The following PRRG3 variants were observed in gnomAD, a reference collection of about 807,000 sequenced individuals.
The protein encoded by PRRG3 is transmembrane gamma-carboxyglutamic acid protein 3.
PRRG3 carries 21 observed loss-of-function variants against 15.8 expected under a neutral mutation model. The observed-to-expected ratio is 1.33, with a 90% confidence interval of 0.94 to 1.92. PRRG3 has a LOEUF of 1.92. Among genes scored for constraint, PRRG3 ranks in the 40% most tolerant of loss-of-function variants. The pLI, the probability that PRRG3 is intolerant of heterozygous loss-of-function variation, is 0.00. For synonymous variants in PRRG3, 125 were observed against 84.1 expected (o/e 1.49, Z -2.66); for missense variants, 251 against 200.2 (o/e 1.25, Z -1.53).
At chrX:151,695,215 T>G (rs902006723), upstream of PRRG3, 1 of 109,837 alleles carries the variant, frequency 9.1e-6, no homozygotes, top group African/African-American at 3.3e-5. Flanking sequence ...CGGCGGGGTG[T>G]GGGGGGCGGG....
chrX:151,701,596 C>T lies in PRRG3; in HGVS notation c.*563C>T, dbSNP rs1343597920. The T allele has an allele frequency of 8.9e-6, 1 of 112,625 alleles. No individual in the cohort carries two copies. The highest frequency in any genetic ancestry group is 1.9e-5 in the Non-Finnish European group (1 of 53,293). 9.3% of individuals were successfully genotyped at this position (112,625 alleles called of 1,213,427 possible). On this transcript the variant is annotated 3_prime_UTR_variant, in exon 4 of 4. Coordinates refer to ENST00000674457, the MANE Select transcript of PRRG3 (RefSeq NM_001372163.1). ...AAATAATTAACACAATAGAACAAAACTCTAGCACCCGGGCCGTTCATAGGA... is the reference window on the plus strand; with the variant it reads ...AAATAATTAACACAATAGAACAAAATTCTAGCACCCGGGCCGTTCATAGGA...
At chrX:151,699,906 T>G in intron 2 of PRRG3, 90 bp from the exon 3 acceptor site, 1 of 957,420 alleles carries the variant, frequency 1.0e-6, no homozygotes, top group Non-Finnish European at 1.4e-6. Flanking sequence ...TTTCCCTGCA[T>G]AATTATGCTT....
chrX:151,697,421 C>T (rs991879343), intron 1 of PRRG3, among the ~76,000 whole-genome samples: 1 of 111,093 alleles, frequency 9.0e-6, no homozygotes, highest in Non-Finnish European at 1.9e-5. Flanking sequence ...GCCTCAGCCT[C>T]CCAAAGTGTT....
intron 3 of PRRG3, 23 bp downstream of exon 3, chrX:151,700,179 T>G (rs749575193): frequency 1.7e-6 from 2 of 1,209,969 alleles, no homozygotes; most frequent in Non-Finnish European, 2.2e-6. Context: ...CTGGGGCTGG[T>G]TCTGGGAGTA....
chrX:151,697,157 T>C (rs1388204960), intron 1 of PRRG3, among the ~76,000 whole-genome samples: 2 of 92,022 alleles, frequency 2.2e-5, no homozygotes, highest in Admixed American at 1.3e-4. Context: ...CCTCTCTCCC[T>C]CTCTTTCTCT....
chrX:151,700,489 C>T lies in PRRG3; in HGVS notation c.169-17C>T, dbSNP rs2014849675. The T allele has an allele frequency of 8.5e-7, 1 of 1,170,234 alleles. No homozygotes were observed. Among genetic ancestry groups the T allele is most frequent in the African/African-American group, 1.8e-5 (1 of 56,601 alleles). On this transcript the variant is annotated splice_polypyrimidine_tract_variant and intron_variant, in intron 3 of 3. Transcript: ENST00000674457. Reference sequence around the variant, plus strand: ...TGGAGCTTGAGCTTCTCTTAAGTACCACTTTTTCTTTTGCAGATGGAGTTC... The same window carrying T: ...TGGAGCTTGAGCTTCTCTTAAGTACTACTTTTTCTTTTGCAGATGGAGTTC...
rs12394468 is a variant in PRRG3 at position 151,700,846 on chromosome X, G to C, written c.509G>C (p.Arg170Pro). ...AGTCGGGGGGGCAGGACCACAGTCC[G>C]GCTAGAGAGCACCCTCTACCTCCCT... ...GPSRGGRTTVRLESTLYLPEL... is the reference protein window; with the variant it reads ...GPSRGGRTTVPLESTLYLPEL... Residue 170 changes from arginine to proline, a missense_variant, in exon 4 of 4, where the codon CGG (arginine) becomes CCG (proline). Coordinates refer to ENST00000674457, the MANE Select transcript of PRRG3 (RefSeq NM_001372163.1). 4 of 1,199,461 alleles carry C rather than the reference G, an allele frequency of 3.3e-6. No individual in the cohort carries two copies. In the East Asian group the frequency reaches 9.0e-5, roughly 27 times the overall value.
rs750170542 is a variant in PRRG3 at position 151,705,218 on chromosome X, T to C, written c.*4185T>C. The C allele has an allele frequency of 2.7e-5, 9 of 329,869 alleles. No homozygotes were observed. The highest frequency in any genetic ancestry group is 2.4e-4 in the African/African-American group (9 of 37,474). The allele number at this position is 329,869 out of a possible 1,213,427, so 27.2% of individuals were successfully genotyped here. On this transcript the variant is annotated 3_prime_UTR_variant, in exon 4 of 4. Coordinates refer to ENST00000674457, the MANE Select transcript of PRRG3 (RefSeq NM_001372163.1). ...GAATAACATAGTTTGTGAACTAGAC[T>C]GCAATTTAAACTAATACACATGATG...
rs1169161306 is a variant in PRRG3 at position 151,700,532 on chromosome X, T to C, written c.195T>C (p.Asn65=). Residue 65 remains asparagine, a synonymous_variant, in exon 4 of 4, where the codon AAT becomes AAC. Transcript: ENST00000674457. The part of the protein sequence containing the change: ...KTMEFWKGYP[N]AVYSVRDPSQ... The stretch of plus-strand genomic sequence containing the variant: ...TGGAGTTCTGGAAAGGGTACCCAAA[T>C]GCAGTCTACTCTGTCCGAGACCCCT... 1 of 1,190,199 alleles carries C rather than the reference T, an allele frequency of 8.4e-7. No homozygotes were observed. The highest frequency in any genetic ancestry group is 2.3e-5 in the Admixed American group (1 of 43,739).
upstream of PRRG3, chrX:151,695,175 G>C (rs184565977): frequency 9.8e-3 from 1,093 of 111,995 alleles, 11 homozygotes; most frequent in Non-Finnish European, 0.015. Flanking sequence ...CGTGGCGCGC[G>C]AGGCGCGGGG....
Position 151,703,635 on chromosome X carries a change from G to A in PRRG3, c.*2602G>A, listed in dbSNP as rs1476436652. Reference sequence around the variant, plus strand: ...GAGTAGCCTGATGACAGGGCCCTGAGCAAGGAAACGTGGCATTAACTATAT... The same window carrying A: ...GAGTAGCCTGATGACAGGGCCCTGAACAAGGAAACGTGGCATTAACTATAT... On this transcript the variant is annotated 3_prime_UTR_variant, in exon 4 of 4. Transcript: ENST00000674457. 1 of 111,214 alleles carries A rather than the reference G, an allele frequency of 9.0e-6. No individual in the cohort carries two copies. The highest frequency in any genetic ancestry group is 2.8e-4 in the East Asian group (1 of 3,530). 9.2% of individuals were successfully genotyped at this position (111,214 alleles called of 1,213,427 possible).
chrX:151,697,066 T>C (rs868797216), intron 1 of PRRG3, among the ~76,000 whole-genome samples: 6 of 95,675 alleles, frequency 6.3e-5, no homozygotes, highest in African/African-American at 2.4e-4. Flanking sequence ...CCTTCCTCCT[T>C]CCCTTCCCTT....
At chrX:151,694,771 C>A (rs992872355), upstream of PRRG3, among the ~76,000 whole-genome samples, 2 of 111,896 alleles carry the variant, frequency 1.8e-5, no homozygotes, top group African/African-American at 6.5e-5. Context: ...GGACAGGACG[C>A]GGGTTGGGCT....
At position 151,700,877 on chromosome X, in the gene PRRG3, C is replaced by T; in HGVS notation, c.540C>T (p.Leu180=). The T allele has an allele frequency of 8.3e-7, 1 of 1,210,546 alleles. No homozygotes were observed. The highest frequency in any genetic ancestry group is 1.1e-6 in the Non-Finnish European group (1 of 895,015). Residue 180 remains leucine (L), a synonymous_variant, in exon 4 of 4, where the codon CTC becomes CTT. Coordinates refer to ENST00000674457, the MANE Select transcript of PRRG3 (RefSeq NM_001372163.1). ...RLESTLYLPE[L]SLSRLSSTTP... is the part of the protein sequence containing the mutation. ...AGAGCACCCTCTACCTCCCTGAGCTCTCTCTCTCCAGACTGTCCAGCACCA... is the reference window on the plus strand; with the variant it reads ...AGAGCACCCTCTACCTCCCTGAGCTTTCTCTCTCCAGACTGTCCAGCACCA...
At chrX:151,698,944 C>A in intron 2 of PRRG3, 123 bp downstream of exon 2, 1 of 608,116 alleles carries the variant, frequency 1.6e-6, no homozygotes, top group Non-Finnish European at 2.6e-6. Context: ...AGCCATTTTC[C>A]AAATGGCTGA....
rs140971965 is a variant in PRRG3, at chrX:151,705,468, C to T, written c.*4435C>T. ...ACTGATATCTGACTGCTGAACAGTGCCTGCCCTTCACCCACCCCCAGCCCG... is the reference window on the plus strand; with the variant it reads ...ACTGATATCTGACTGCTGAACAGTGTCTGCCCTTCACCCACCCCCAGCCCG... On this transcript the variant is annotated 3_prime_UTR_variant, in exon 4 of 4. Coordinates refer to ENST00000674457, the MANE Select transcript of PRRG3 (RefSeq NM_001372163.1). The T allele has an allele frequency of 2.5e-3, 796 of 319,821 alleles. 3 individuals carry two copies. Among genetic ancestry groups the T allele is most frequent in the Middle Eastern group, 6.0e-3 (13 of 2,184 alleles). 26.4% of individuals were successfully genotyped at this position (319,821 alleles called of 1,213,427 possible). A position where few individuals can be genotyped will look rare whatever the true frequency, so the allele number is the denominator to read the frequency against.
rs2014912787 is a variant in PRRG3, at chrX:151,703,114, G to A, written c.*2081G>A. Reference sequence around the variant, plus strand: ...GCTGGGTGGTAATGGGAGAGAGCAGGAAGAGGCCCAAGGCCTGGCCCATGG... The same window carrying A: ...GCTGGGTGGTAATGGGAGAGAGCAGAAAGAGGCCCAAGGCCTGGCCCATGG... On this transcript the variant is annotated 3_prime_UTR_variant, in exon 4 of 4. Coordinates refer to ENST00000674457, the MANE Select transcript of PRRG3 (RefSeq NM_001372163.1). 1 of 112,710 alleles carries A rather than the reference G, an allele frequency of 8.9e-6. No homozygotes were observed. The highest frequency in any genetic ancestry group is 3.2e-5 in the African/African-American group (1 of 30,964). The allele number at this position is 112,710 out of a possible 1,213,427, so 9.3% of individuals were successfully genotyped here. A position where few individuals can be genotyped will look rare whatever the true frequency, so the allele number is the denominator to read the frequency against.
chrX:151,700,228 T>A, intron 3 of PRRG3, 72 bp downstream of exon 3: 2 of 1,206,064 alleles, frequency 1.7e-6, no homozygotes, highest in Non-Finnish European at 2.2e-6. Context: ...GCCCTGGTAA[T>A]GCAGACCAAT....
rs377413243 is a variant in PRRG3 at position 151,700,271 on chromosome X, T to C, written c.168+115T>C. The stretch of plus-strand genomic sequence containing the variant: ...AAGGAAAGACACCCAGCCTAAGGCA[T>C]AGCCACTAGGGCCATCACGGAGCAG... On this transcript the variant is annotated intron_variant, in intron 3 of 3. Transcript: ENST00000674457. 84 of 1,185,412 alleles carry C rather than the reference T, an allele frequency of 7.1e-5. 1 individual carries two copies. The East Asian group carries it at 1.2e-3, about 17-fold the overall frequency.
Sources: gnomAD v4.1 joint callset for allele counts (sites outside exome capture counted in the v4.1 genomes callset) on GRCh38, gnomAD v4.1.1 for gene constraint, MANE v1.5 for transcripts, NCBI Gene and HGNC (gene_info 2026-07-23, HGNC 2026-07-21) for gene names.